Variants in MAGI2 observed in about 807,000 individuals in gnomAD.
The protein encoded by MAGI2 is membrane associated guanylate kinase, WW and PDZ domain containing 2, also known as membrane-associated guanylate kinase, WW and PDZ domain-containing protein 2.
A neutral mutation model predicts 133.3 loss-of-function variants in MAGI2; 35 were observed. The observed-to-expected ratio is 0.26, with a 90% CI of 0.20 to 0.35. MAGI2 has a LOEUF of 0.35. Ranked by LOEUF, MAGI2 falls within the 10% of genes least tolerant of loss-of-function variation. The pLI, the probability that MAGI2 is intolerant of heterozygous loss-of-function variation, is 1.00. For synonymous variants in MAGI2, 729 were observed against 710.6 expected (o/e 1.03, Z -0.41); for missense variants, 1,636 against 1,863.4 (o/e 0.88, Z 2.25).
intron 2 of MAGI2, among the ~76,000 whole-genome samples, chr7:79,002,555 G>T (rs1008042968): frequency 6.6e-6 from 1 of 151,818 alleles, no homozygotes; most frequent in Admixed American, 6.6e-5. Flanking sequence ...TTATCAGTTA[G>T]CTACCAAAGA....
intron 1 of MAGI2, among the ~76,000 whole-genome samples, chr7:79,248,827 C>T (rs141372426): frequency 1.6e-4 from 24 of 149,672 alleles, no homozygotes; most frequent in South Asian, 2.1e-4. Context: ...ATAATGGAAA[C>T]GCAACATATT....
At chr7:79,403,363 A>G (rs1389406739) in intron 1 of MAGI2, among the ~76,000 whole-genome samples, 3 of 152,138 alleles carry the variant, frequency 2.0e-5, no homozygotes, top group Admixed American at 6.6e-5. Flanking sequence ...AGTTTTTTGA[A>G]TACATGACAA....
At chr7:78,586,558 T>G (rs1803436856) in intron 3 of MAGI2, among the ~76,000 whole-genome samples, 1 of 152,190 alleles carries the variant, frequency 6.6e-6, no homozygotes. Flanking sequence ...ACTTCCACCT[T>G]TTTTTCAGAT....
intron 21 of MAGI2, among the ~76,000 whole-genome samples, chr7:78,040,712 C>T (rs1362787342): frequency 6.6e-6 from 1 of 152,188 alleles, no homozygotes; most frequent in Non-Finnish European, 1.5e-5. Context: ...GATGACGTTA[C>T]ACCTCCCACG....
At chr7:78,583,562 T>C (rs1000518975) in intron 3 of MAGI2, 2 of 151,742 alleles carry the variant, frequency 1.3e-5, no homozygotes, top group Non-Finnish European at 1.5e-5. Flanking sequence ...TAGAAGTGAA[T>C]AAAAACAAAA....
intron 1 of MAGI2, among the ~76,000 whole-genome samples, chr7:79,270,992 C>A (rs187134630): frequency 2.6e-5 from 4 of 151,988 alleles, no homozygotes; most frequent in African/African-American, 7.2e-5. Context: ...TTCTAACTCC[C>A]CTATTTCCTT....
intron 1 of MAGI2, among the ~76,000 whole-genome samples, chr7:79,105,950 C>G (rs1377228662): frequency 6.6e-6 from 1 of 151,742 alleles, no homozygotes; most frequent in Admixed American, 6.6e-5. Context: ...GACTCACACA[C>G]AAAATTTACA....
chr7:79,286,438 A>G (rs1836004713), intron 1 of MAGI2, among the ~76,000 whole-genome samples: 1 of 152,002 alleles, frequency 6.6e-6, no homozygotes, highest in Non-Finnish European at 1.5e-5. Flanking sequence ...CAGGTAAATC[A>G]CACTCCACGG....
chr7:78,995,532 G>A (rs946032005), intron 2 of MAGI2, among the ~76,000 whole-genome samples: 5 of 151,978 alleles, frequency 3.3e-5, no homozygotes, highest in African/African-American at 9.7e-5. Context: ...TCAGTCAATC[G>A]ACCTTCACTC....
At chr7:78,629,077 A>AG (rs1280365358) in intron 2 of MAGI2, among the ~76,000 whole-genome samples, 1 of 152,120 alleles carries the variant, frequency 6.6e-6, no homozygotes, top group Admixed American at 6.5e-5. Context: ...GGCAATTTCC[A>AG]GGGCTGCTGA....
At chr7:78,558,804 C>A (rs1800084921) in intron 3 of MAGI2, among the ~76,000 whole-genome samples, 1 of 148,864 alleles carries the variant, frequency 6.7e-6, no homozygotes, top group Admixed American at 6.7e-5. Context: ...AGTGCTTTTG[C>A]AGCTATTCTA....
At chr7:78,543,335 CATCT>C (rs1798563765) in intron 3 of MAGI2, among the ~76,000 whole-genome samples, 1 of 152,186 alleles carries the variant, frequency 6.6e-6, no homozygotes, top group African/African-American at 2.4e-5. Context: ...TTACTAGAGA[CATCT>C]ATCTAATAAC....
chr7:79,170,282 C>T (rs971065269), intron 1 of MAGI2, among the ~76,000 whole-genome samples: 32 of 151,162 alleles, frequency 2.1e-4, no homozygotes, highest in African/African-American at 7.5e-4. Context: ...CAGCAATCTT[C>T]CTGCTTCAGC....
rs546163671 is a variant in MAGI2, at chr7:78,267,805, G to A, written c.1409-11224C>T. Among the ~76,000 whole-genome samples, 3 of 152,238 alleles carry A rather than the reference G, an allele frequency of 2.0e-5. 1 individual carries two copies. In the South Asian group the frequency reaches 6.2e-4, roughly 32 times the overall value. ...AAGGGGATGAATAACCTAGCCTAGG[G>A]GTTTCAGGGAAATATAAAGCAATTT... On this transcript the variant is annotated intron_variant, in intron 9 of 21. Transcript: ENST00000354212.
chr7:78,468,598 A>G (rs1281363263), intron 6 of MAGI2, among the ~76,000 whole-genome samples: 1 of 152,064 alleles, frequency 6.6e-6, no homozygotes, highest in Non-Finnish European at 1.5e-5. Context: ...TTAGAATATT[A>G]TTTTTTTAAA....
At chr7:78,107,124 A>G (rs1368705015) in intron 20 of MAGI2, among the ~76,000 whole-genome samples, 1 of 152,028 alleles carries the variant, frequency 6.6e-6, no homozygotes, top group East Asian at 1.9e-4. Context: ...CCTTTCCCCA[A>G]TGTATGTTCT....
At chr7:79,157,346 A>T (rs960931417) in intron 1 of MAGI2, among the ~76,000 whole-genome samples, 10 of 151,748 alleles carry the variant, frequency 6.6e-5, no homozygotes, top group South Asian at 2.1e-4. Context: ...AAATTAATTT[A>T]AAAAAAAGTC....
intron 2 of MAGI2, among the ~76,000 whole-genome samples, chr7:78,715,737 A>G (rs1424648651): frequency 6.6e-6 from 1 of 150,508 alleles, no homozygotes; most frequent in African/African-American, 2.4e-5. Context: ...GATAATAAGA[A>G]CATATTGTTT....
At chr7:78,444,599 C>G (rs765716018) in intron 6 of MAGI2, among the ~76,000 whole-genome samples, 38 of 151,942 alleles carry the variant, frequency 2.5e-4, no homozygotes, top group Non-Finnish European at 4.9e-4. Flanking sequence ...TATTGGAGAG[C>G]CAGCTGCTGC....
Sources: gnomAD v4.1 joint callset for allele counts (sites outside exome capture counted in the v4.1 genomes callset) on GRCh38, gnomAD v4.1.1 for gene constraint, MANE v1.5 for transcripts, NCBI Gene and HGNC (gene_info 2026-07-23, HGNC 2026-07-21) for gene names.